PPP2R2B: variants seen among roughly 807,000 people sequenced by gnomAD.
PPP2R2B encodes protein phosphatase 2 regulatory subunit Bbeta, also known as serine/threonine-protein phosphatase 2A 55 kDa regulatory subunit B beta isoform.
Under a neutral mutation model 46.0 loss-of-function variants are expected in PPP2R2B, and 5 were observed. The ratio of observed to expected loss-of-function variants is 0.11; its 90% CI spans 0.06 to 0.23. The LOEUF is 0.23. Among genes scored for constraint, PPP2R2B ranks in the 10% least tolerant of loss-of-function variants. The pLI is 1.00. For missense variants in PPP2R2B, 367 were observed against 575.0 expected (o/e 0.64, Z 3.70); for synonymous variants, 215 against 206.7 (o/e 1.04, Z -0.34).
chr5:146,705,041 G>C (rs765468284), intron 2 of PPP2R2B, among the ~76,000 whole-genome samples: 1 of 152,104 alleles, frequency 6.6e-6, no homozygotes, highest in Non-Finnish European at 1.5e-5. Context: ...TTAGACTTAG[G>C]ATCTAAACTC....
chr5:146,999,045 A>G (rs991867719), intron 1 of PPP2R2B, among the ~76,000 whole-genome samples: 56 of 149,874 alleles, frequency 3.7e-4, no homozygotes, highest in African/African-American at 1.3e-3. Context: ...AAAAGAGTCA[A>G]TCTCTGGTTT....
chr5:146,704,590 TA>T (rs1296085373), intron 2 of PPP2R2B, among the ~76,000 whole-genome samples: 19 of 152,340 alleles, frequency 1.2e-4, no homozygotes, highest in Admixed American at 3.9e-4. Flanking sequence ...CAGATGTAGT[TA>T]AAGTGATTTT....
At chr5:146,996,101 T>C (rs772767979) in intron 1 of PPP2R2B, among the ~76,000 whole-genome samples, 1 of 152,104 alleles carries the variant, frequency 6.6e-6, no homozygotes, top group Non-Finnish European at 1.5e-5. Context: ...CCAAGGACAG[T>C]AGGATGTGTG....
intron 1 of PPP2R2B, among the ~76,000 whole-genome samples, chr5:146,920,519 C>A (rs539931572): frequency 6.6e-6 from 1 of 152,274 alleles, no homozygotes; most frequent in African/African-American, 2.4e-5. Context: ...CAATATGCCA[C>A]CTGATTGCTT....
At chr5:146,766,228 C>T (rs559231512) in intron 2 of PPP2R2B, among the ~76,000 whole-genome samples, 2 of 152,104 alleles carry the variant, frequency 1.3e-5, no homozygotes, top group South Asian at 2.1e-4. Context: ...ATGTATTTTG[C>T]TGATGATAAA....
chr5:147,045,841 T>C (rs1160816268), intron 1 of PPP2R2B, among the ~76,000 whole-genome samples: 1 of 152,074 alleles, frequency 6.6e-6, no homozygotes, highest in Admixed American at 6.6e-5. Flanking sequence ...ACCATGACCC[T>C]CTGGGGACTG....
At chr5:147,080,953 G>C in intron 2 of PPP2R2B, 1 of 1,025,210 alleles carries the variant, frequency 9.8e-7, no homozygotes, top group Non-Finnish European at 1.4e-6. Context: ...CAATTTTGGG[G>C]TGTGTGGGGA....
intron 1 of PPP2R2B, among the ~76,000 whole-genome samples, chr5:147,011,805 C>G (rs946884252): frequency 4.2e-5 from 6 of 142,520 alleles, no homozygotes; most frequent in African/African-American, 1.6e-4. Context: ...TGAATTTTGT[C>G]AAAGGCCTTT....
chr5:146,733,107 C>A (rs1366605810), intron 2 of PPP2R2B, among the ~76,000 whole-genome samples: 1 of 152,196 alleles, frequency 6.6e-6, no homozygotes, highest in Non-Finnish European at 1.5e-5. Context: ...TCACCATGAA[C>A]TCTCAGCATC....
At chr5:146,598,547 G>C (rs1334376984) in intron 8 of PPP2R2B, among the ~76,000 whole-genome samples, 1 of 152,108 alleles carries the variant, frequency 6.6e-6, no homozygotes, top group Non-Finnish European at 1.5e-5. Flanking sequence ...GTGTCTGTTT[G>C]GATGTTTAAT....
intron 2 of PPP2R2B, among the ~76,000 whole-genome samples, chr5:146,762,421 T>C (rs1024818990): frequency 6.6e-6 from 1 of 152,170 alleles, no homozygotes; most frequent in Non-Finnish European, 1.5e-5. Context: ...AGATAGTGAA[T>C]ATAAAACACA....
chr5:146,676,849 G>A (rs945437946), intron 5 of PPP2R2B, among the ~76,000 whole-genome samples: 2 of 152,162 alleles, frequency 1.3e-5, no homozygotes, highest in East Asian at 1.9e-4. Context: ...GCAAGAAACC[G>A]AGGTGGTGCT....
chr5:146,719,197 C>A (rs1478480032), intron 2 of PPP2R2B, among the ~76,000 whole-genome samples: 2 of 152,136 alleles, frequency 1.3e-5, no homozygotes, highest in Non-Finnish European at 2.9e-5. Context: ...TATTATTTAA[C>A]CTCTCTCTCT....
At chr5:146,682,549 T>C (rs386039) in intron 5 of PPP2R2B, among the ~76,000 whole-genome samples, 39,103 of 152,114 alleles carry the variant, frequency 0.26, 7,163 homozygotes, top group African/African-American at 0.51. Context: ...CATGTCACTA[T>C]AGCTCTCTAG....
chr5:147,038,353 A>G (rs1382236280), intron 1 of PPP2R2B, among the ~76,000 whole-genome samples: 2 of 152,168 alleles, frequency 1.3e-5, no homozygotes, highest in Non-Finnish European at 2.9e-5. Flanking sequence ...GGAATACTAT[A>G]TAGTGTCCCC....
chr5:146,655,867 G>A (rs1293347770), intron 5 of PPP2R2B, among the ~76,000 whole-genome samples: 1 of 151,468 alleles, frequency 6.6e-6, no homozygotes, highest in Non-Finnish European at 1.5e-5. Flanking sequence ...AGCTAGGCAG[G>A]GCTTGAAGGG....
chr5:146,848,330 A>G (rs577251337), intron 2 of PPP2R2B, among the ~76,000 whole-genome samples: 1 of 152,228 alleles, frequency 6.6e-6, no homozygotes, highest in South Asian at 2.1e-4. Flanking sequence ...ACCAAAGTCC[A>G]TAGTTCATTC....
At chr5:146,661,010 C>T (rs1414484757) in intron 5 of PPP2R2B, among the ~76,000 whole-genome samples, 4 of 152,116 alleles carry the variant, frequency 2.6e-5, no homozygotes, top group Admixed American at 1.3e-4. Flanking sequence ...GGGGCTCTAA[C>T]TTAGACTGAG....
chr5:146,985,171 C>T (rs1430366793), intron 1 of PPP2R2B, among the ~76,000 whole-genome samples: 1 of 151,904 alleles, frequency 6.6e-6, no homozygotes, highest in East Asian at 1.9e-4. Context: ...TAGGCATGTG[C>T]CACCATGCCT....
Sources: gnomAD v4.1 joint callset for allele counts (sites outside exome capture counted in the v4.1 genomes callset) on GRCh38, gnomAD v4.1.1 for gene constraint, MANE v1.5 for transcripts, NCBI Gene and HGNC (gene_info 2026-07-23, HGNC 2026-07-21) for gene names.